The following NUGGC variants were observed in gnomAD, a reference collection of about 807,000 sequenced individuals.
NUGGC encodes nuclear GTPase SLIP-GC.
Under a neutral mutation model 92.6 loss-of-function variants are expected in NUGGC, and 58 were observed. The ratio of observed to expected loss-of-function variants is 0.63; its 90% confidence interval spans 0.51 to 0.78. The LOEUF (loss-of-function observed/expected upper bound fraction) is 0.78, where lower values mean the gene tolerates loss of function less well. Ranked by LOEUF, NUGGC falls within the 30% of genes least tolerant of loss-of-function variation. The probability of loss-of-function intolerance (pLI) is 0.00; values close to 1 mark genes in which losing one functional copy is unlikely to be tolerated. For missense variants in NUGGC, 925 were observed against 964.6 expected, an observed-to-expected ratio of 0.96 and a Z score of 0.54; for synonymous variants, 376 against 366.4, an observed-to-expected ratio of 1.03 and a Z score of -0.30.
chr8:28,042,654 CCT>C (rs1809729705), intron 12 of NUGGC, among the ~76,000 whole-genome samples: 1 of 152,162 alleles, frequency 6.6e-6, no homozygotes, highest in Admixed American at 6.5e-5. Context: ...TCTCTCGTTC[CCT>C]GTGTCTTCTT....
intron 5 of NUGGC, 75 bp from the exon 6 acceptor site, chr8:28,067,819 C>T (rs971084309): frequency 5.9e-6 from 7 of 1,194,402 alleles, no homozygotes; most frequent in Admixed American, 4.1e-5. Context: ...GGGCCCATTG[C>T]CCCCTGTGGA....
chr8:28,037,908 C>G (rs1585561664), intron 13 of NUGGC, among the ~76,000 whole-genome samples: 3 of 152,136 alleles, frequency 2.0e-5, no homozygotes, highest in African/African-American at 7.2e-5. Context: ...ACAGGACAGC[C>G]CCTCACAACA....
At chr8:28,071,053 GA>G (rs1479203840) in intron 2 of NUGGC, among the ~76,000 whole-genome samples, 1 of 151,998 alleles carries the variant, frequency 6.6e-6, no homozygotes, top group Admixed American at 6.6e-5. Context: ...ACTCATTTGG[GA>G]AAAAACACTG....
chr8:28,075,125 A>T (rs192856430), intron 1 of NUGGC, among the ~76,000 whole-genome samples: 1 of 152,172 alleles, frequency 6.6e-6, no homozygotes, highest in Non-Finnish European at 1.5e-5. Context: ...AGTTCCAGAA[A>T]GTCTCAGCAG....
rs1240442460 is a variant in NUGGC, at chr8:28,041,037, G to T, written c.1611+14C>A. 1 of 1,588,730 alleles carries T rather than the reference G, an allele frequency of 6.3e-7. No individual in the cohort carries two copies. The highest frequency in any genetic ancestry group is 8.6e-7 in the Non-Finnish European group (1 of 1,165,874). On this transcript the variant is annotated intron_variant, in intron 13 of 18. Coordinates refer to ENST00000413272, the MANE Select transcript of NUGGC (RefSeq NM_001010906.2). ...TCCTGGAATATCTGAGTTTTCCCTGGAAGGGTCACTCACCACCAAGCATGC... is the reference window on the plus strand; with the variant it reads ...TCCTGGAATATCTGAGTTTTCCCTGTAAGGGTCACTCACCACCAAGCATGC...
intron 12 of NUGGC, among the ~76,000 whole-genome samples, chr8:28,044,007 C>T (rs1485674816): frequency 3.3e-5 from 5 of 152,098 alleles, no homozygotes; most frequent in Admixed American, 3.3e-4. Flanking sequence ...CTATATGCCC[C>T]TTTTATGCAG....
At chr8:28,048,795 A>G (rs1809910496) in intron 10 of NUGGC, among the ~76,000 whole-genome samples, 1 of 150,092 alleles carries the variant, frequency 6.7e-6, no homozygotes, top group Non-Finnish European at 1.5e-5. Flanking sequence ...CCCGGGAGGT[A>G]GAGGTTGCAA....
At chr8:28,073,114 G>A (rs555419694) in intron 2 of NUGGC, among the ~76,000 whole-genome samples, 2 of 150,320 alleles carry the variant, frequency 1.3e-5, no homozygotes, top group East Asian at 3.9e-4. Flanking sequence ...GCAATCCTCC[G>A]ACCTCAGCTC....
chr8:28,080,554 T>G (rs775351648), intron 1 of NUGGC, among the ~76,000 whole-genome samples: 21 of 152,128 alleles, frequency 1.4e-4, no homozygotes, highest in Non-Finnish European at 2.5e-4. Flanking sequence ...ACTCTCTACT[T>G]TTAATAAATA....
chr8:28,030,236 C>T (rs568941826), intron 16 of NUGGC, 74 bp downstream of exon 16: 12 of 810,118 alleles, frequency 1.5e-5, no homozygotes, highest in East Asian at 8.0e-5. Context: ...TTGAGGGAGC[C>T]GCAGAAAAGG....
At chr8:28,035,573 C>T (rs1015876022) in intron 13 of NUGGC, among the ~76,000 whole-genome samples, 4 of 152,244 alleles carry the variant, frequency 2.6e-5, no homozygotes, top group Admixed American at 1.3e-4. Context: ...TACACAAAGG[C>T]GTCCCCCTGA....
chr8:28,083,752 A>G (rs1810906079), intron 1 of NUGGC, 23 bp downstream of exon 1: 1 of 152,064 alleles, frequency 6.6e-6, no homozygotes, highest in Non-Finnish European at 1.5e-5. Flanking sequence ...TACAGTACAA[A>G]TTACATAAAA....
In NUGGC at chr8:28,029,325, C is replaced by T. The variant is rs759335784; in HGVS notation, c.2095G>A (p.Ala699Thr). 3.1e-6 allele frequency: 5 copies of T among 1,609,876 alleles called. No individual in the cohort carries two copies. The highest frequency in any genetic ancestry group is 3.4e-5 in the Admixed American group (2 of 59,610). The change falls in exon 17 of 19, where the codon GCT (alanine) becomes ACT (threonine). Residue 699 changes from alanine (A) to threonine (T), a missense_variant. Transcript: ENST00000413272. Reference sequence around the variant, plus strand: ...TGGGCCCTTTCAAACATGCCCTCAGCCACCTGCCGGTCCACTCCTCTTCTG... The same window carrying T: ...TGGGCCCTTTCAAACATGCCCTCAGTCACCTGCCGGTCCACTCCTCTTCTG... ...AIRRGVDRQV[A>T]EGMFERAQER...
intron 12 of NUGGC, among the ~76,000 whole-genome samples, chr8:28,041,960 T>G (rs1563218512): frequency 6.6e-6 from 1 of 152,090 alleles, no homozygotes; most frequent in African/African-American, 2.4e-5. Context: ...CCACGTGTTG[T>G]GGGGGGGACC....
intron 6 of NUGGC, 95 bp from the exon 7 acceptor site, chr8:28,064,826 G>T: frequency 9.5e-7 from 1 of 1,049,330 alleles, no homozygotes; most frequent in Non-Finnish European, 1.4e-6. Flanking sequence ...AGTATGCTGA[G>T]TAAGGGTAAG....
At chr8:28,060,294 T>C in intron 8 of NUGGC, 132 bp downstream of exon 8, 1 of 936,744 alleles carries the variant, frequency 1.1e-6, no homozygotes, top group Non-Finnish European at 1.7e-6. Context: ...CAGCCTTTTC[T>C]TTCCTCCCCA....
intron 18 of NUGGC, 99 bp from the exon 19 acceptor site, chr8:28,023,561 T>C: frequency 8.2e-7 from 1 of 1,221,592 alleles, no homozygotes; most frequent in Non-Finnish European, 1.2e-6. Context: ...TGTCCCAGAA[T>C]ATGAGATCTG....
chr8:28,066,106 A>T (rs17058553), intron 6 of NUGGC, among the ~76,000 whole-genome samples: 2,781 of 152,316 alleles, frequency 0.018, 77 homozygotes, highest in African/African-American at 0.06. Flanking sequence ...GACGCTGGGA[A>T]GGAGTATTTC....
intron 18 of NUGGC, among the ~76,000 whole-genome samples, chr8:28,026,062 A>G (rs369614475): frequency 2.8e-4 from 42 of 152,254 alleles, no homozygotes; most frequent in African/African-American, 9.6e-4. Context: ...GCTGTTTTCC[A>G]CTTTGTAATA....
Sources: allele counts gnomAD v4.1 joint callset (sites outside exome capture counted in the v4.1 genomes callset), GRCh38; gene constraint gnomAD v4.1.1; transcripts MANE v1.5; gene names NCBI Gene and HGNC (gene_info 2026-07-23, HGNC 2026-07-21).